The following PDGFRB variants were observed in gnomAD, a reference collection of about 807,000 sequenced individuals.
PDGFRB encodes the protein platelet derived growth factor receptor beta.
Under a neutral mutation model 120.2 loss-of-function variants are expected in PDGFRB, and 42 were observed. The observed-to-expected ratio is 0.35, with a 90% CI of 0.27 to 0.45. The LOEUF (loss-of-function observed/expected upper bound fraction) is 0.45, where lower values mean the gene tolerates loss of function less well. PDGFRB is among the 20% of genes least tolerant of loss of function. PDGFRB has a pLI of 1.00. For missense variants in PDGFRB, 1,149 were observed against 1,476.3 expected (o/e 0.78, Z 3.63); for synonymous variants, 586 against 606.8 (o/e 0.97, Z 0.50).
chr5:150,122,050 A>G lies in PDGFRB; in HGVS notation c.2184-10T>C, dbSNP rs1264728580. The stretch of plus-strand genomic sequence containing the variant: ...GGTCAAGGACACATGGCTGGGGGTA[A>G]AGGAGCATCACAGGAGAGCCTGCAG... On this transcript the variant is annotated splice_polypyrimidine_tract_variant and intron_variant, in intron 15 of 22. Coordinates refer to ENST00000261799, the MANE Select transcript of PDGFRB (RefSeq NM_002609.4). 1.2e-6 allele frequency: 2 copies of G among 1,611,992 alleles called. No homozygotes were observed.
At chr5:150,125,268 G>T (rs1247546313) in intron 12 of PDGFRB, among the ~76,000 whole-genome samples, 177 bp downstream of exon 12, 1 of 152,164 alleles carries the variant, frequency 6.6e-6, no homozygotes, top group Admixed American at 6.5e-5. Context: ...ATGCTAGGCA[G>T]TTCCTGGGGG....
intron 1 of PDGFRB, among the ~76,000 whole-genome samples, chr5:150,145,629 C>G (rs1760900150): frequency 6.6e-6 from 1 of 152,220 alleles, no homozygotes; most frequent in Non-Finnish European, 1.5e-5. Flanking sequence ...GGCTCCAGAG[C>G]ACACAGCCCA....
In PDGFRB at chr5:150,135,689, T is replaced by A. The variant is rs1269978839; in HGVS notation, c.230A>T (p.Gln77Leu). ...QEPPQEMAKA[Q>L]DGTFSSVLTL... Reference sequence around the variant, plus strand: ...GAGCACGCTGGAGAAGGTGCCATCCTGGGCCTTGGCCATTTCCTGTGGGGG... The same window carrying A: ...GAGCACGCTGGAGAAGGTGCCATCCAGGGCCTTGGCCATTTCCTGTGGGGG... Residue 77 changes from glutamine to leucine, a missense_variant, in exon 3 of 23, where the codon CAG (glutamine) becomes CTG (leucine). This residue lies in a region of PDGFRB where 879 missense variants were observed against 1,108.6 expected (regional missense o/e 0.79). Coordinates refer to ENST00000261799, the MANE Select transcript of PDGFRB (RefSeq NM_002609.4). The A allele has an allele frequency of 1.9e-6, 3 of 1,614,070 alleles. No homozygotes were observed. The African/African-American group carries it at 4.0e-5, about 22-fold the overall frequency.
At position 150,131,210 on chromosome 5, in the gene PDGFRB, C is replaced by T. The variant is rs78260028; in HGVS notation, c.1244-548G>A. Among the ~76,000 whole-genome samples, 40 of 152,310 alleles carry T rather than the reference C, an allele frequency of 2.6e-4. No individual in the cohort carries two copies. In the East Asian group the frequency reaches 7.5e-3, roughly 29 times the overall value. ...AAAGCCAAAGTCTGCACCAGGCCCA[C>T]AAAGACCTATGCGATTTGCCCTTCT... On this transcript the variant is annotated intron_variant, in intron 8 of 22. Coordinates refer to ENST00000261799, the MANE Select transcript of PDGFRB (RefSeq NM_002609.4).
intron 1 of PDGFRB, among the ~76,000 whole-genome samples, chr5:150,148,808 G>A (rs1760995544): frequency 6.6e-6 from 1 of 152,260 alleles, no homozygotes. Flanking sequence ...ATGGCTTCCT[G>A]AGGGAGGTGG....
chr5:150,128,519 A>C (rs1760360147), intron 10 of PDGFRB, among the ~76,000 whole-genome samples: 1 of 152,072 alleles, frequency 6.6e-6, no homozygotes, highest in African/African-American at 2.4e-5. Flanking sequence ...CTTCCCCTTT[A>C]TCTGCCACCC....
chr5:150,133,075 G>T, intron 6 of PDGFRB, 133 bp from the exon 7 acceptor site: 1 of 666,858 alleles, frequency 1.5e-6, no homozygotes, highest in Non-Finnish European at 2.5e-6. Context: ...AGCTGAGGTT[G>T]AAATTGGGCT....
At chr5:150,130,137 C>T (rs771825545) in intron 9 of PDGFRB, among the ~76,000 whole-genome samples, 169 bp from the exon 10 acceptor site, 1 of 152,218 alleles carries the variant, frequency 6.6e-6, no homozygotes, top group Non-Finnish European at 1.5e-5. Context: ...GGGGGTGCTC[C>T]CATCCCAGAA....
rs368205475 is a variant in PDGFRB at position 150,136,940 on chromosome 5, C to T, written c.40+68G>A. The T allele has an allele frequency of 7.3e-5, 89 of 1,214,348 alleles. No individual in the cohort carries two copies. The East Asian group carries it at 1.1e-3, about 16-fold the overall frequency. The allele number at this position is 1,214,348 out of a possible 1,614,324, so 75.2% of individuals were successfully genotyped here. A position where few individuals can be genotyped will look rare whatever the true frequency, so the allele number is the denominator to read the frequency against. On this transcript the variant is annotated intron_variant, in intron 2 of 22. Transcript: ENST00000261799. ...CACGCCCTGCCACCAGCACACATCA[C>T]CCCTGCCAGCTCCAGGGTTCCACTC...
intron 1 of PDGFRB, among the ~76,000 whole-genome samples, chr5:150,149,353 AATT>A (rs2113930811): frequency 6.6e-6 from 1 of 152,332 alleles, no homozygotes; most frequent in Admixed American, 6.5e-5. Flanking sequence ...CTTTGTTAAA[AATT>A]ATTAACAATT....
intron 8 of PDGFRB, 66 bp from the exon 9 acceptor site, chr5:150,130,728 G>C: frequency 7.1e-7 from 1 of 1,416,922 alleles, no homozygotes; most frequent in Non-Finnish European, 9.7e-7. Context: ...CAGGTCCTCA[G>C]GGGAGGACCT....
chr5:150,122,110 C>G, intron 15 of PDGFRB, 70 bp from the exon 16 acceptor site: 3 of 1,210,668 alleles, frequency 2.5e-6, no homozygotes, highest in Non-Finnish European at 1.2e-6. Flanking sequence ...CCCCTTGCCA[C>G]TCATGAATTT....
At chr5:150,124,482 G>C in intron 13 of PDGFRB, 122 bp from the exon 14 acceptor site, 2 of 727,518 alleles carry the variant, frequency 2.7e-6, no homozygotes, top group Non-Finnish European at 2.3e-6. Context: ...CAGCCTGGCG[G>C]GGGTGAGCAC....
rs751959209 is a variant in PDGFRB at position 150,130,574 on chromosome 5, C to G, written c.1332G>C (p.Pro444=). 5.7e-6 allele frequency: 9 copies of G among 1,592,600 alleles called. No homozygotes were observed. Among genetic ancestry groups the G allele is most frequent in the Non-Finnish European group, 6.9e-6 (8 of 1,167,692 alleles). The part of the protein sequence containing the change: ...VRCRGRGMPQ[P]NIIWSACRDL... ...CTCTGCAGGCAGACCAGATGATGTT[C>G]GGCTGGGGCATGCCCCGGCCACGAC... The change falls in exon 9 of 23, where the codon CCG becomes CCC. Residue 444 remains proline (P), a synonymous_variant. Coordinates refer to ENST00000261799, the MANE Select transcript of PDGFRB (RefSeq NM_002609.4).
chr5:150,114,656 T>C lies in PDGFRB; in HGVS notation c.*1107A>G, dbSNP rs1759868265. The C allele has an allele frequency of 4.3e-6, 1 of 233,444 alleles. No individual in the cohort carries two copies. The highest frequency in any genetic ancestry group is 1.8e-4 in the South Asian group (1 of 5,522). 14.5% of individuals were successfully genotyped at this position (233,444 alleles called of 1,614,324 possible). A position where few individuals can be genotyped will look rare whatever the true frequency, so the allele number is the denominator to read the frequency against. ...TGGTTCCTGAGTCCCCAGAGTGTGA[T>C]GTGTGATCTGGAATCTCCCAGGAGC... is the stretch of plus-strand genomic sequence containing the variant. On this transcript the variant is annotated 3_prime_UTR_variant, in exon 23 of 23. Coordinates refer to ENST00000261799, the MANE Select transcript of PDGFRB (RefSeq NM_002609.4).
chr5:150,124,177 G>C, intron 14 of PDGFRB, 73 bp downstream of exon 14: 1 of 862,096 alleles, frequency 1.2e-6, no homozygotes, highest in Admixed American at 2.2e-5. Context: ...CAAGGCCTGA[G>C]GGGGGGGTAG....
In PDGFRB at chr5:150,120,959, G is replaced by T; in HGVS notation, c.2515C>A (p.Leu839Met). 2.5e-6 allele frequency: 4 copies of T among 1,613,746 alleles called. No individual in the cohort carries two copies. The highest frequency in any genetic ancestry group is 3.4e-6 in the Non-Finnish European group (4 of 1,179,684). ...ARNVLICEGK[L>M]VKICDFGLAR... Reference sequence around the variant, plus strand: ...AGGCCAAAGTCACAGATCTTGACCAGCTTGCCTTCACAGATGAGCACGTTC... The same window carrying T: ...AGGCCAAAGTCACAGATCTTGACCATCTTGCCTTCACAGATGAGCACGTTC... The change falls in exon 18 of 23, where the codon CTG becomes ATG. Residue 839 changes from leucine (L) to methionine (M), a missense_variant. Transcript: ENST00000261799. The surrounding 1 kb of genome is among the most constrained non-coding windows in gnomAD (Gnocchi z 4.3).
rs768919814 is a variant in PDGFRB, at chr5:150,117,776, A to T, written c.2979T>A (p.Pro993=). The part of the protein sequence containing the change: ...PAILRSQARL[P]GFHGLRSPLD... ...GGGGAGATCGGAGGCCATGGAACCC[A>T]GGCAAGCGGGCCTGGGACCGAAGGA... The change falls in exon 22 of 23, where the codon CCT becomes CCA. Residue 993 remains proline (P), a synonymous_variant. Transcript: ENST00000261799. 3.7e-6 allele frequency: 6 copies of T among 1,613,774 alleles called. No individual in the cohort carries two copies. The South Asian group carries it at 6.6e-5, about 18-fold the overall frequency.
At chr5:150,151,317 G>A (rs1442379648) in intron 1 of PDGFRB, among the ~76,000 whole-genome samples, 2 of 152,176 alleles carry the variant, frequency 1.3e-5, no homozygotes, top group Non-Finnish European at 2.9e-5. Context: ...GGCCCCAGAA[G>A]GGAACGATCT....
Sources: allele counts gnomAD v4.1 joint callset (sites outside exome capture counted in the v4.1 genomes callset), GRCh38; gene constraint gnomAD v4.1.1; regional missense constraint gnomAD v4.1.1; non-coding constraint Gnocchi (gnomAD v3.1); transcripts MANE v1.5; gene names NCBI Gene and HGNC (gene_info 2026-07-23, HGNC 2026-07-21).